The following SPAG16 variants were observed in gnomAD, a reference collection of about 807,000 sequenced individuals.
The protein encoded by SPAG16 is sperm associated antigen 16.
In SPAG16, 86 loss-of-function variants were observed where a neutral mutation model predicts 80.4. The observed-to-expected ratio is 1.07, with a 90% CI of 0.90 to 1.28. SPAG16 has a LOEUF of 1.28. Among genes scored for constraint, SPAG16 ranks in the 50% most tolerant of loss-of-function variants. SPAG16 has a pLI of 0.00. For missense variants in SPAG16, 870 were observed against 765.3 expected, an observed-to-expected ratio of 1.14 and a Z score of -1.61; for synonymous variants, 294 against 265.9, an observed-to-expected ratio of 1.11 and a Z score of -1.03.
chr2:213,788,921 T>C (rs1034616487), intron 10 of SPAG16, among the ~76,000 whole-genome samples: 10 of 151,948 alleles, frequency 6.6e-5, no homozygotes, highest in East Asian at 1.9e-4. Flanking sequence ...TTTCCATTTA[T>C]ATTAATTCTA....
At chr2:213,997,223 T>G (rs2046565300) in intron 12 of SPAG16, among the ~76,000 whole-genome samples, 1 of 152,124 alleles carries the variant, frequency 6.6e-6, no homozygotes, top group Non-Finnish European at 1.5e-5. Context: ...GTTATAGAAT[T>G]TATTAAAGAG....
intron 10 of SPAG16, among the ~76,000 whole-genome samples, chr2:213,515,605 T>C (rs1471459833): frequency 2.6e-5 from 4 of 152,246 alleles, no homozygotes; most frequent in African/African-American, 9.6e-5. Flanking sequence ...AGTTTGGTTC[T>C]ATACTTATGC....
Position 213,364,034 on chromosome 2 carries a change from C to A in SPAG16, c.763-42C>A, listed in dbSNP as rs73990322. On this transcript the variant is annotated intron_variant, in intron 7 of 15. Coordinates refer to ENST00000331683, the MANE Select transcript of SPAG16 (RefSeq NM_024532.5). ...TGTTTTATGTAACCTTTTTAAAAGT[C>A]ATTTAGTGTATAATTTCATTTCTTT... 12 of 977,346 alleles carry A rather than the reference C, an allele frequency of 1.2e-5. No individual in the cohort carries two copies. The East Asian group carries it at 1.8e-4, about 15-fold the overall frequency. The allele number at this position is 977,346 out of a possible 1,614,324, so 60.5% of individuals were successfully genotyped here.
chr2:214,347,431 T>C (rs1263960356), intron 15 of SPAG16, among the ~76,000 whole-genome samples: 2 of 151,860 alleles, frequency 1.3e-5, no homozygotes, highest in East Asian at 1.9e-4. Context: ...AAATAAAATA[T>C]AGCTGCAAGG....
chr2:214,357,654 T>G (rs1698906273), intron 15 of SPAG16, among the ~76,000 whole-genome samples: 3 of 152,010 alleles, frequency 2.0e-5, no homozygotes, highest in Admixed American at 2.0e-4. Flanking sequence ...GTGCTTATTT[T>G]AGTATTGATA....
At chr2:214,328,915 T>G (rs1182817627) in intron 15 of SPAG16, among the ~76,000 whole-genome samples, 1 of 152,136 alleles carries the variant, frequency 6.6e-6, no homozygotes, top group Non-Finnish European at 1.5e-5. Context: ...GTGTATGTGG[T>G]TTTTTTAAAG....
chr2:213,908,951 A>G (rs1248340893), intron 11 of SPAG16, among the ~76,000 whole-genome samples: 2 of 149,766 alleles, frequency 1.3e-5, no homozygotes, highest in Non-Finnish European at 3.0e-5. Flanking sequence ...CAGTCCCCAG[A>G]GTGTGATGTT....
intron 10 of SPAG16, among the ~76,000 whole-genome samples, chr2:213,722,129 A>G (rs1274977431): frequency 6.6e-6 from 1 of 152,244 alleles, no homozygotes; most frequent in Non-Finnish European, 1.5e-5. Context: ...GTCTAAACTC[A>G]TAGAAAAACA....
chr2:213,693,889 A>G (rs933335849), intron 10 of SPAG16, among the ~76,000 whole-genome samples: 8 of 152,174 alleles, frequency 5.3e-5, no homozygotes, highest in South Asian at 2.1e-4. Context: ...AGCAGTCACT[A>G]CTTAGCTCTA....
At chr2:213,445,039 A>G (rs1482938989) in intron 9 of SPAG16, among the ~76,000 whole-genome samples, 1 of 152,236 alleles carries the variant, frequency 6.6e-6, no homozygotes, top group Non-Finnish European at 1.5e-5. Flanking sequence ...CTGAATATCC[A>G]TATGCAGAAG....
intron 10 of SPAG16, among the ~76,000 whole-genome samples, chr2:213,761,740 C>G (rs986493334): frequency 1.3e-5 from 2 of 151,934 alleles, no homozygotes; most frequent in Non-Finnish European, 2.9e-5. Flanking sequence ...GTGGCGGGCG[C>G]CTGTAGTCCC....
chr2:213,903,924 C>A (rs1429558543), intron 11 of SPAG16, among the ~76,000 whole-genome samples: 1 of 152,150 alleles, frequency 6.6e-6, no homozygotes, highest in African/African-American at 2.4e-5. Flanking sequence ...AGTGTCTTTG[C>A]TAAAACATAA....
At chr2:213,609,175 T>G (rs1468357967) in intron 10 of SPAG16, among the ~76,000 whole-genome samples, 1 of 152,228 alleles carries the variant, frequency 6.6e-6, no homozygotes, top group African/African-American at 2.4e-5. Flanking sequence ...ATTTTTCCAT[T>G]CTGAAAATTA....
At chr2:214,102,830 G>A (rs1298082601) in intron 13 of SPAG16, among the ~76,000 whole-genome samples, 1 of 152,076 alleles carries the variant, frequency 6.6e-6, no homozygotes, top group Non-Finnish European at 1.5e-5. Flanking sequence ...ATTTTAAAAG[G>A]CTTTAGAATA....
At chr2:213,713,771 G>C (rs1454861532) in intron 10 of SPAG16, among the ~76,000 whole-genome samples, 1 of 152,148 alleles carries the variant, frequency 6.6e-6, no homozygotes, top group Non-Finnish European at 1.5e-5. Context: ...AGCTCTCAGG[G>C]TTTTTATATC....
intron 11 of SPAG16, among the ~76,000 whole-genome samples, chr2:213,865,706 AT>A (rs997210278): frequency 6.8e-6 from 1 of 147,694 alleles, no homozygotes; most frequent in South Asian, 2.1e-4. Flanking sequence ...TTGTATATAA[AT>A]TTTTTATATA....
At chr2:214,215,383 C>A (rs949230731) in intron 15 of SPAG16, among the ~76,000 whole-genome samples, 6 of 152,108 alleles carry the variant, frequency 3.9e-5, no homozygotes, top group African/African-American at 1.4e-4. Flanking sequence ...ATTCTCCAAC[C>A]TACCAGCCTA....
chr2:213,331,838 A>G (rs1055366409), intron 5 of SPAG16, among the ~76,000 whole-genome samples: 1 of 152,218 alleles, frequency 6.6e-6, no homozygotes, highest in African/African-American at 2.4e-5. Context: ...AACAAATGAT[A>G]GTGGAAACAC....
intron 5 of SPAG16, among the ~76,000 whole-genome samples, chr2:213,330,087 G>A (rs762531679): frequency 6.6e-6 from 1 of 152,246 alleles, no homozygotes; most frequent in Non-Finnish European, 1.5e-5. Flanking sequence ...AGAAGTTTGC[G>A]GCAGGGGTGG....
Sources: gnomAD v4.1 joint callset for allele counts (sites outside exome capture counted in the v4.1 genomes callset) on GRCh38, gnomAD v4.1.1 for gene constraint, MANE v1.5 for transcripts, NCBI Gene and HGNC (gene_info 2026-07-23, HGNC 2026-07-21) for gene names.